The following CFAP20DC variants were observed in gnomAD, a reference collection of about 807,000 sequenced individuals.
The protein encoded by CFAP20DC is protein CFAP20DC.
Under a neutral mutation model 101.7 loss-of-function variants are expected in CFAP20DC, and 84 were observed. The observed-to-expected ratio is 0.83, with a 90% CI of 0.69 to 0.99. The LOEUF is 0.99. CFAP20DC is among the 50% of genes least tolerant of loss of function. The pLI, the probability that CFAP20DC is intolerant of heterozygous loss-of-function variation, is 0.00. For missense variants in CFAP20DC, 1,007 were observed against 970.3 expected, an observed-to-expected ratio of 1.04 and a Z score of -0.50; for synonymous variants, 359 against 351.2, an observed-to-expected ratio of 1.02 and a Z score of -0.25.
At position 58,808,918 on chromosome 3, in the gene CFAP20DC, G is replaced by A. The variant is rs1488988744; in HGVS notation, c.2176-2462C>T. ...AAAAAAGGCAGGGGTTGCAATCCTA[G>A]TCTCTGACAAAACAGACTTTAAACC... On this transcript the variant is annotated intron_variant, in intron 14 of 16. Transcript: ENST00000482387. Among the ~76,000 whole-genome samples the A allele has an allele frequency of 3.3e-5, 5 of 152,184 alleles. No individual in the cohort carries two copies. In the South Asian group the frequency reaches 8.3e-4, roughly 25 times the overall value.
At chr3:58,792,138 C>T (rs1460068471) in intron 15 of CFAP20DC, among the ~76,000 whole-genome samples, 2 of 152,124 alleles carry the variant, frequency 1.3e-5, no homozygotes, top group African/African-American at 4.8e-5. Context: ...TGTTTATTTA[C>T]CCCAAGTTGA....
chr3:58,923,103 C>T (rs562753617), intron 5 of CFAP20DC, among the ~76,000 whole-genome samples: 8 of 152,160 alleles, frequency 5.3e-5, no homozygotes, highest in African/African-American at 1.4e-4. Context: ...GATGGGGTTT[C>T]GCCATGCTGC....
intron 4 of CFAP20DC, among the ~76,000 whole-genome samples, chr3:58,939,756 C>G (rs989865518): frequency 2.7e-5 from 4 of 146,620 alleles, no homozygotes; most frequent in Non-Finnish European, 6.0e-5. Flanking sequence ...CCGTGCCCGG[C>G]CCATTTTTTT....
In CFAP20DC at chr3:58,957,553, C is replaced by T. The variant is rs376290123; in HGVS notation, c.279-19791G>A. ...TATATCAAAGAGATATCTGAACTCC[C>T]GTGTATGTTGCAGCACTCTTCACAA... On this transcript the variant is annotated intron_variant, in intron 4 of 16. Coordinates refer to ENST00000482387, the MANE Select transcript of CFAP20DC (RefSeq NM_001394063.1). 5.9e-5 allele frequency among the ~76,000 whole-genome samples: 9 copies of T among 152,220 alleles called. No individual in the cohort carries two copies. The East Asian group carries it at 1.7e-3, about 29-fold the overall frequency.
intron 5 of CFAP20DC, among the ~76,000 whole-genome samples, chr3:58,922,383 C>T (rs1042889879): frequency 6.6e-6 from 1 of 152,172 alleles, no homozygotes; most frequent in Non-Finnish European, 1.5e-5. Flanking sequence ...TATTTGGCCC[C>T]ACCAAGTCTC....
chr3:58,939,649 AG>A (rs1190657154), intron 4 of CFAP20DC, among the ~76,000 whole-genome samples: 2 of 151,428 alleles, frequency 1.3e-5, no homozygotes, highest in African/African-American at 4.8e-5. Flanking sequence ...TAGTAGAGAC[AG>A]GGTTTCATGA....
At chr3:58,915,066 G>A (rs986036725) in intron 5 of CFAP20DC, 5 of 152,116 alleles carry the variant, frequency 3.3e-5, no homozygotes, top group Non-Finnish European at 5.9e-5. Flanking sequence ...GCATCACTGC[G>A]GTTCTTTACA....
At chr3:58,998,687 A>G (rs1559966597) in intron 4 of CFAP20DC, among the ~76,000 whole-genome samples, 2 of 152,170 alleles carry the variant, frequency 1.3e-5, no homozygotes, top group African/African-American at 4.8e-5. Flanking sequence ...AGTGGAACTG[A>G]GCAGACATGA....
intron 14 of CFAP20DC, among the ~76,000 whole-genome samples, chr3:58,809,297 G>C (rs1196565914): frequency 6.6e-6 from 1 of 151,872 alleles, no homozygotes; most frequent in Non-Finnish European, 1.5e-5. Context: ...ACCCCATACT[G>C]GGAAGTAAAG....
intron 4 of CFAP20DC, among the ~76,000 whole-genome samples, chr3:58,968,468 T>C (rs2091736471): frequency 6.6e-6 from 1 of 152,212 alleles, no homozygotes; most frequent in South Asian, 2.1e-4. Flanking sequence ...TCAGTTGATA[T>C]TGAGCTTTTT....
chr3:58,753,848 C>A lies in CFAP20DC; in HGVS notation c.2253G>T (p.Met751Ile). 1 of 1,609,762 alleles carries A rather than the reference C, an allele frequency of 6.2e-7. No homozygotes were observed. Among genetic ancestry groups the A allele is most frequent in the Non-Finnish European group, 8.5e-7 (1 of 1,177,548 alleles). Reference sequence around the variant, plus strand: ...TGGGAGGAACGATTGGTGGGCTCAACATATTTAACCAGTCCCTAAAAAGAA... The same window carrying A: ...TGGGAGGAACGATTGGTGGGCTCAAAATATTTAACCAGTCCCTAAAAAGAA... ...SPSNPRDWLN[M>I]LSPPIVPPSQ... The change falls in exon 16 of 17, where the codon ATG (methionine) becomes ATT (isoleucine). Residue 751 changes from methionine (M) to isoleucine (I), a missense_variant. Transcript: ENST00000482387.
chr3:58,725,477 T>C (rs557956051), intron 3 of CFAP20DC, among the ~76,000 whole-genome samples: 1 of 152,328 alleles, frequency 6.6e-6, no homozygotes, highest in South Asian at 2.1e-4. Context: ...ACTGGGTCAG[T>C]AACAGTCTGA....
At chr3:58,900,004 A>G (rs1301210564) in intron 6 of CFAP20DC, among the ~76,000 whole-genome samples, 1 of 152,230 alleles carries the variant, frequency 6.6e-6, no homozygotes, top group Non-Finnish European at 1.5e-5. Context: ...AAGAAACAGC[A>G]TAATGGGAGA....
chr3:59,018,928 G>A (rs888158027), intron 4 of CFAP20DC: 2 of 151,836 alleles, frequency 1.3e-5, no homozygotes, highest in East Asian at 3.9e-4. Flanking sequence ...AAAAAAATGT[G>A]TATACACACA....
chr3:58,982,713 G>C (rs1332183099), intron 4 of CFAP20DC, among the ~76,000 whole-genome samples: 9 of 109,038 alleles, frequency 8.3e-5, no homozygotes, highest in African/African-American at 3.1e-4. Context: ...GTTGTGGGGT[G>C]GGGGGAGGGG....
rs2093464747 is a variant in CFAP20DC at position 59,007,479 on chromosome 3, G to C, written c.278+32078C>G. Among the ~76,000 whole-genome samples, 1 of 152,226 alleles carries C rather than the reference G, an allele frequency of 6.6e-6. No individual in the cohort carries two copies. The highest frequency in any genetic ancestry group is 6.5e-5 in the Admixed American group (1 of 15,284). ...GACAGAATAATCTGGCTCCCAGCAA[G>C]GAGAAAACAACAGCTATGGCTAACA... On this transcript the variant is annotated intron_variant, in intron 4 of 16. Coordinates refer to ENST00000482387, the MANE Select transcript of CFAP20DC (RefSeq NM_001394063.1). This position sits in a 1 kb window ranked among gnomAD's most constrained non-coding sequence, Gnocchi z 4.4.
Position 58,866,688 on chromosome 3 carries a change from C to T in CFAP20DC, c.1136G>A (p.Gly379Asp), listed in dbSNP as rs1412808613. 2.6e-6 allele frequency: 4 copies of T among 1,540,624 alleles called. No homozygotes were observed. Among genetic ancestry groups the T allele is most frequent in the South Asian group, 1.2e-5 (1 of 86,572 alleles). ...AATCCTATTATTTCCTGAAGAGCTACCTTTATTGAGATAAATATTTTCCCT... is the reference window on the plus strand; with the variant it reads ...AATCCTATTATTTCCTGAAGAGCTATCTTTATTGAGATAAATATTTTCCCT... ...TSRERTETPS[G>D]SSSGNNRIED... Residue 379 changes from glycine to aspartate, a missense_variant and splice_region_variant, in exon 11 of 17, where the codon GGT (glycine) becomes GAT (aspartate). Coordinates refer to ENST00000482387, the MANE Select transcript of CFAP20DC (RefSeq NM_001394063.1).
chr3:58,770,511 T>A (rs2070745751), intron 15 of CFAP20DC, among the ~76,000 whole-genome samples: 1 of 152,190 alleles, frequency 6.6e-6, no homozygotes, highest in South Asian at 2.1e-4. Context: ...AGGGAAGGCT[T>A]TCTAGCAAAA....
chr3:58,957,282 C>T (rs922102383), intron 4 of CFAP20DC, among the ~76,000 whole-genome samples: 4 of 151,980 alleles, frequency 2.6e-5, no homozygotes, highest in Admixed American at 1.3e-4. Context: ...ATCAGAGAAA[C>T]GCAAATCAAA....
Sources: allele counts gnomAD v4.1 joint callset (sites outside exome capture counted in the v4.1 genomes callset), GRCh38; gene constraint gnomAD v4.1.1; non-coding constraint Gnocchi (gnomAD v3.1); transcripts MANE v1.5; gene names NCBI Gene and HGNC (gene_info 2026-07-23, HGNC 2026-07-21).